TSC22D1: variants seen among roughly 807,000 people sequenced by gnomAD.
TSC22D1 encodes TSC22 domain family protein 1.
A neutral mutation model predicts 74.2 loss-of-function variants in TSC22D1; 9 were observed. The ratio of observed to expected loss-of-function variants is 0.12; its 90% CI spans 0.07 to 0.21. The LOEUF (loss-of-function observed/expected upper bound fraction) is 0.21. TSC22D1 is among the 10% of genes least tolerant of loss of function. The pLI, the probability that TSC22D1 is intolerant of heterozygous loss-of-function variation, is 1.00. For synonymous variants in TSC22D1, 586 were observed against 492.5 expected (o/e 1.19, Z -2.51); for missense variants, 1,427 against 1,304.7 (o/e 1.09, Z -1.44).
chr13:44,487,523 A>AAAAAG (rs1566135762), intron 1 of TSC22D1, among the ~76,000 whole-genome samples: 99 of 148,636 alleles, frequency 6.7e-4, no homozygotes, highest in African/African-American at 2.4e-3. Context: ...AAAAAAAAAA[A>AAAAAG]AAAAGAAAAG....
At chr13:44,472,817 A>G (rs78264613) in intron 1 of TSC22D1, among the ~76,000 whole-genome samples, 2,353 of 152,302 alleles carry the variant, frequency 0.015, 49 homozygotes, top group African/African-American at 0.05. Context: ...ATTTTTGAAC[A>G]TTCCTTCTAT....
At chr13:44,556,173 A>C (rs184557323) in intron 1 of TSC22D1, among the ~76,000 whole-genome samples, 1 of 152,116 alleles carries the variant, frequency 6.6e-6, no homozygotes, top group African/African-American at 2.4e-5. Context: ...TCCAACATTT[A>C]TAAGTGAATC....
chr13:44,552,176 T>C (rs562619242), intron 1 of TSC22D1, among the ~76,000 whole-genome samples: 6 of 152,354 alleles, frequency 3.9e-5, no homozygotes, highest in Admixed American at 3.9e-4. Flanking sequence ...CCAAATCTTT[T>C]AGCAAATCTT....
intron 1 of TSC22D1, among the ~76,000 whole-genome samples, chr13:44,437,855 A>G (rs1292097542): frequency 6.6e-6 from 1 of 152,218 alleles, no homozygotes; most frequent in African/African-American, 2.4e-5. Flanking sequence ...GTCCAGAACC[A>G]GAAAAGGGAG....
At chr13:44,451,835 G>A (rs1876161326) in intron 1 of TSC22D1, among the ~76,000 whole-genome samples, 1 of 152,140 alleles carries the variant, frequency 6.6e-6, no homozygotes, top group Admixed American at 6.5e-5. Flanking sequence ...GGGCTGTTGG[G>A]GCCACTGCAT....
chr13:44,457,365 A>C (rs1175918914), intron 1 of TSC22D1, among the ~76,000 whole-genome samples: 14 of 152,240 alleles, frequency 9.2e-5, no homozygotes, highest in Admixed American at 9.2e-4. Flanking sequence ...TGGATCAAAA[A>C]CATCAAGCAG....
chr13:44,483,476 A>ACAGTGAAACG (rs1006725028), intron 1 of TSC22D1, among the ~76,000 whole-genome samples: 3 of 152,144 alleles, frequency 2.0e-5, no homozygotes, highest in Admixed American at 6.6e-5. Flanking sequence ...CCTGGCTAAC[A>ACAGTGAAACG]CAGTGAAACG....
intron 1 of TSC22D1, among the ~76,000 whole-genome samples, chr13:44,517,035 T>C (rs1467579182): frequency 1.3e-5 from 2 of 152,212 alleles, no homozygotes; most frequent in Non-Finnish European, 2.9e-5. Flanking sequence ...TGATCCATCA[T>C]GTTCCCTTCC....
At chr13:44,541,610 G>A (rs1566162788) in intron 1 of TSC22D1, among the ~76,000 whole-genome samples, 1 of 152,114 alleles carries the variant, frequency 6.6e-6, no homozygotes, top group East Asian at 1.9e-4. Flanking sequence ...TTAAAAGACT[G>A]TATCTTTAGA....
intron 1 of TSC22D1, among the ~76,000 whole-genome samples, chr13:44,511,666 T>TA (rs1879726557): frequency 6.6e-6 from 1 of 151,914 alleles, no homozygotes; most frequent in Non-Finnish European, 1.5e-5. Flanking sequence ...TTGTTGTTGT[T>TA]AAACAATCAG....
intron 1 of TSC22D1, among the ~76,000 whole-genome samples, chr13:44,478,706 G>A (rs1338850800): frequency 6.6e-6 from 1 of 152,236 alleles, no homozygotes; most frequent in East Asian, 1.9e-4. Flanking sequence ...CTCATGATTA[G>A]TTTGTTTACC....
In TSC22D1 at chr13:44,434,508, C is replaced by CA; in HGVS notation, c.*117dup. ...AAGAGATAATGGCATATGTCAGTCT[C>CA]ACGTCTCTTTCGCAGCGAGCAATGA... On this transcript the variant is annotated 3_prime_UTR_variant, in exon 3 of 3. Transcript: ENST00000458659. 1 of 1,440,688 alleles carries CA rather than the reference C, an allele frequency of 6.9e-7. No individual in the cohort carries two copies. The highest frequency in any genetic ancestry group is 9.1e-7 in the Non-Finnish European group (1 of 1,101,654). The allele number at this position is 1,440,688 out of a possible 1,614,324, so 89.2% of individuals were successfully genotyped here.
chr13:44,450,736 A>AG (rs1876058391), intron 1 of TSC22D1, among the ~76,000 whole-genome samples: 2 of 152,208 alleles, frequency 1.3e-5, no homozygotes, highest in African/African-American at 4.8e-5. Flanking sequence ...TAACATTGAT[A>AG]GGCCTTACTA....
At chr13:44,435,560 TTC>T (rs1874518539) in intron 2 of TSC22D1, among the ~76,000 whole-genome samples, 1 of 152,168 alleles carries the variant, frequency 6.6e-6, no homozygotes, top group African/African-American at 2.4e-5. Flanking sequence ...ACAAAACTTT[TTC>T]TCTGATTCTT....
At chr13:44,494,374 T>TAAAAAAAAAAAAAAA (rs1566138860) in intron 1 of TSC22D1, among the ~76,000 whole-genome samples, 1 of 9,990 alleles carries the variant, frequency 1.0e-4, no homozygotes, top group Non-Finnish European at 1.6e-4. Flanking sequence ...AGACTCCGTA[T>TAAAAAAAAAAAAAAA]CAAAAAAAAA....
chr13:44,558,044 T>C (rs1344720757), intron 1 of TSC22D1, among the ~76,000 whole-genome samples: 3 of 152,234 alleles, frequency 2.0e-5, no homozygotes, highest in Non-Finnish European at 4.4e-5. Context: ...GTACACTCAT[T>C]ACTGGACAAC....
intron 1 of TSC22D1, among the ~76,000 whole-genome samples, chr13:44,546,737 C>A (rs571826184): frequency 9.1e-6 from 1 of 109,812 alleles, no homozygotes; most frequent in Admixed American, 1.0e-4. Flanking sequence ...TATGGGAATT[C>A]TGTGTGAAAT....
At chr13:44,572,421 T>A (rs150936796) in intron 1 of TSC22D1, among the ~76,000 whole-genome samples, 1 of 152,330 alleles carries the variant, frequency 6.6e-6, no homozygotes, top group African/African-American at 2.4e-5. Context: ...CACGCCTCTA[T>A]AAATTCAATC....
chr13:44,551,255 A>C (rs1052605649), intron 1 of TSC22D1, among the ~76,000 whole-genome samples: 11 of 152,164 alleles, frequency 7.2e-5, no homozygotes, highest in Admixed American at 6.6e-4. Context: ...TGGGTGACAG[A>C]GCAAGACCCT....
Sources: gnomAD v4.1 joint callset for allele counts (sites outside exome capture counted in the v4.1 genomes callset) on GRCh38, gnomAD v4.1.1 for gene constraint, MANE v1.5 for transcripts, NCBI Gene and HGNC (gene_info 2026-07-23, HGNC 2026-07-21) for gene names.